The following INTS8 variants were observed in gnomAD, a reference collection of about 807,000 sequenced individuals.
INTS8 encodes the protein integrator complex subunit 8.
INTS8 carries 47 observed loss-of-function variants against 138.9 expected under a neutral mutation model. The observed-to-expected ratio is 0.34, with a 90% CI of 0.27 to 0.43. INTS8 has a LOEUF of 0.43. Ranked by LOEUF, INTS8 falls within the 20% of genes least tolerant of loss-of-function variation. The probability of loss-of-function intolerance (pLI) is 1.00; values close to 1 mark genes in which losing one functional copy is unlikely to be tolerated. For missense variants in INTS8, 996 were observed against 1,173.0 expected (o/e 0.85, Z 2.20); for synonymous variants, 392 against 400.9 (o/e 0.98, Z 0.27).
intron 26 of INTS8, among the ~76,000 whole-genome samples, chr8:94,878,348 A>G (rs28399593): frequency 0.034 from 5,163 of 152,150 alleles, 91 homozygotes; most frequent in Non-Finnish European, 0.04. Context: ...TACCTCTTCT[A>G]TGCTTGAGAT....
intron 20 of INTS8, among the ~76,000 whole-genome samples, chr8:94,868,435 G>A (rs761513147): frequency 6.6e-6 from 1 of 152,108 alleles, no homozygotes; most frequent in Non-Finnish European, 1.5e-5. Flanking sequence ...GATTGGAAAA[G>A]CTCTCTGTCT....
In INTS8 at chr8:94,881,507, G is replaced by T; in HGVS notation, c.*1273G>T. On this transcript the variant is annotated 3_prime_UTR_variant, in exon 27 of 27. Transcript: ENST00000523731. Reference sequence around the variant, plus strand: ...TGTAAGTTTTAAAATCAGAATGGCAGTGTAACTTGTGAATTGGCTAGGGCA... The same window carrying T: ...TGTAAGTTTTAAAATCAGAATGGCATTGTAACTTGTGAATTGGCTAGGGCA... 1 of 825,054 alleles carries T rather than the reference G, an allele frequency of 1.2e-6. No homozygotes were observed. The highest frequency in any genetic ancestry group is 1.9e-6 in the Non-Finnish European group (1 of 529,368). The allele number at this position is 825,054 out of a possible 1,614,324, so 51.1% of individuals were successfully genotyped here. A position where few individuals can be genotyped will look rare whatever the true frequency, so the allele number is the denominator to read the frequency against.
chr8:94,841,733 T>G, intron 9 of INTS8, 142 bp downstream of exon 9: 1 of 556,406 alleles, frequency 1.8e-6, no homozygotes, highest in Non-Finnish European at 3.2e-6. Flanking sequence ...TAACATAGGG[T>G]GGAGGAACAC....
chr8:94,859,770 G>C, intron 16 of INTS8, 138 bp downstream of exon 16: 1 of 630,592 alleles, frequency 1.6e-6, no homozygotes, highest in Non-Finnish European at 2.5e-6. Flanking sequence ...GTAGTTAAAG[G>C]ATAGAGTTTT....
At position 94,823,329 on chromosome 8, in the gene INTS8, G is replaced by A. The variant is rs140625955; in HGVS notation, c.-103G>A. On this transcript the variant is annotated 5_prime_UTR_variant, in exon 1 of 27. Coordinates refer to ENST00000523731, the MANE Select transcript of INTS8 (RefSeq NM_017864.4). ...GAGTTTCCGGGACGTTCGGAGGGTG[G>A]CCTCTCTCCCACCGGGTTCCGCATA... 0.035 allele frequency: 53,638 copies of A among 1,514,538 alleles called. 1,079 individuals carry two copies. Among genetic ancestry groups the A allele is most frequent in the Non-Finnish European group, 0.04 (45,417 of 1,135,446 alleles). 93.8% of individuals were successfully genotyped at this position (1,514,538 alleles called of 1,614,324 possible).
At chr8:94,827,690 A>G (rs1298408375) in intron 3 of INTS8, 32 bp from the exon 4 acceptor site, 4 of 1,548,858 alleles carry the variant, frequency 2.6e-6, no homozygotes, top group Middle Eastern at 1.7e-4. Context: ...TTTATAATGT[A>G]TGAAATTTTC....
chr8:94,864,535 CCGT>C (rs1363727657), intron 16 of INTS8, among the ~76,000 whole-genome samples: 1 of 152,078 alleles, frequency 6.6e-6, no homozygotes, highest in African/African-American at 2.4e-5. Context: ...TGGTGAAACC[CCGT>C]CTCTACTAAA....
intron 21 of INTS8, among the ~76,000 whole-genome samples, chr8:94,872,956 G>A (rs959141511): frequency 6.6e-6 from 1 of 152,186 alleles, no homozygotes; most frequent in South Asian, 2.1e-4. Flanking sequence ...CTCATGGCCA[G>A]TCTTGTTTCA....
intron 20 of INTS8, among the ~76,000 whole-genome samples, chr8:94,869,342 T>C (rs915941295): frequency 1.3e-5 from 2 of 152,088 alleles, no homozygotes; most frequent in Non-Finnish European, 2.9e-5. Flanking sequence ...TGGGGGTTTT[T>C]TTGAGACAAA....
At position 94,840,376 on chromosome 8, in the gene INTS8, C is replaced by T. The variant is rs372555238; in HGVS notation, c.1018-1115C>T. ...AGTTTAATTTTCAGATATCTCCTTT[C>T]CCCCTCCTCTCGTTAACACCCTTTC... On this transcript the variant is annotated intron_variant, in intron 8 of 26. Coordinates refer to ENST00000523731, the MANE Select transcript of INTS8 (RefSeq NM_017864.4). 3.9e-5 allele frequency among the ~76,000 whole-genome samples: 6 copies of T among 152,208 alleles called. No individual in the cohort carries two copies. The East Asian group carries it at 5.8e-4, about 15-fold the overall frequency.
chr8:94,824,605 T>C (rs1355367926), intron 1 of INTS8, among the ~76,000 whole-genome samples: 1 of 152,098 alleles, frequency 6.6e-6, no homozygotes, highest in African/African-American at 2.4e-5. Context: ...ATGACTGTTA[T>C]GTTCTTCCCC....
chr8:94,832,315 C>G (rs1814750175), intron 6 of INTS8, 141 bp downstream of exon 6: 1 of 625,384 alleles, frequency 1.6e-6, no homozygotes, highest in African/African-American at 1.9e-5. Context: ...TTAATTTATA[C>G]ATTTATAAGA....
chr8:94,846,873 T>G (rs1306275881), intron 10 of INTS8, among the ~76,000 whole-genome samples: 1 of 152,222 alleles, frequency 6.6e-6, no homozygotes, highest in Admixed American at 6.5e-5. Context: ...TCTCCTTACC[T>G]GTTCATGTGA....
chr8:94,867,499 A>C, intron 20 of INTS8, 162 bp downstream of exon 20: 1 of 570,026 alleles, frequency 1.8e-6, no homozygotes, highest in East Asian at 3.1e-5. Context: ...ATCTTCCTGT[A>C]AATTGTGGAT....
chr8:94,862,294 A>G (rs546327583), intron 16 of INTS8, among the ~76,000 whole-genome samples: 45 of 152,252 alleles, frequency 3.0e-4, no homozygotes, highest in African/African-American at 9.1e-4. Context: ...TTCTTAATAT[A>G]TTGGGCACTT....
At chr8:94,852,056 C>T (rs900085151) in intron 13 of INTS8, among the ~76,000 whole-genome samples, 13 of 152,246 alleles carry the variant, frequency 8.5e-5, no homozygotes, top group South Asian at 6.2e-4. Context: ...GATTCTCCTG[C>T]CTCAGCCTCC....
rs1217468167 is a variant in INTS8, at chr8:94,837,393, T to C, written c.861+762T>C. ...TGGAAAAATTCCCACTTCAATCTGCTGTCCTTAGTAGAGATATTGATTAAA... is the reference window on the plus strand; with the variant it reads ...TGGAAAAATTCCCACTTCAATCTGCCGTCCTTAGTAGAGATATTGATTAAA... On this transcript the variant is annotated intron_variant, in intron 7 of 26. Transcript: ENST00000523731. 2.0e-5 allele frequency among the ~76,000 whole-genome samples: 3 copies of C among 152,284 alleles called. No homozygotes were observed. In the South Asian group the frequency reaches 6.2e-4, roughly 32 times the overall value.
Position 94,842,411 on chromosome 8 carries a change from G to A in INTS8, c.1183G>A (p.Glu395Lys), listed in dbSNP as rs1318190202. Residue 395 changes from glutamate (E) to lysine (K), a missense_variant, in exon 10 of 27, where the codon GAA (glutamate) becomes AAA (lysine). Transcript: ENST00000523731. ...CACNTVRDIL[E>K]GRTISVQFNQ... is the part of the protein sequence containing the mutation. ...CTGTAATACAGTCCGTGATATACTG[G>A]AAGGCAGAACAATTAGTGTTCAATT... is the stretch of plus-strand genomic sequence containing the variant. The A allele has an allele frequency of 1.2e-6, 2 of 1,603,218 alleles. No homozygotes were observed. The highest frequency in any genetic ancestry group is 1.7e-6 in the Non-Finnish European group (2 of 1,170,482).
chr8:94,826,352 G>A (rs573474012), intron 2 of INTS8, among the ~76,000 whole-genome samples: 17 of 151,790 alleles, frequency 1.1e-4, no homozygotes, highest in African/African-American at 2.9e-4. Context: ...CGCGATATTC[G>A]CTCACTGCAA....
Sources: allele counts gnomAD v4.1 joint callset (sites outside exome capture counted in the v4.1 genomes callset), GRCh38; gene constraint gnomAD v4.1.1; transcripts MANE v1.5; gene names NCBI Gene and HGNC (gene_info 2026-07-23, HGNC 2026-07-21).